Variants in AKAP7 observed in about 807,000 individuals in gnomAD.
AKAP7 encodes A kinase (PRKA) anchor protein 7.
Under a neutral mutation model 39.5 loss-of-function variants are expected in AKAP7, and 39 were observed. The ratio of observed to expected loss-of-function variants is 0.99; its 90% confidence interval spans 0.76 to 1.29. The LOEUF (loss-of-function observed/expected upper bound fraction) is 1.29. Ranked by LOEUF, AKAP7 falls within the 50% of genes most tolerant of loss-of-function variation. The probability of loss-of-function intolerance (pLI) is 0.00; values close to 1 mark genes in which losing one functional copy is unlikely to be tolerated. For synonymous variants in AKAP7, 140 were observed against 139.1 expected (o/e 1.01, Z -0.05); for missense variants, 414 against 407.7 (o/e 1.02, Z -0.13).
At chr6:131,234,260 T>C (rs1810853449) in intron 7 of AKAP7, among the ~76,000 whole-genome samples, 1 of 152,222 alleles carries the variant, frequency 6.6e-6, no homozygotes, top group Non-Finnish European at 1.5e-5. Context: ...ATGATGTGTA[T>C]TTAAGATCAA....
intron 5 of AKAP7, among the ~76,000 whole-genome samples, chr6:131,180,365 C>G (rs536896020): frequency 3.3e-4 from 50 of 152,250 alleles, no homozygotes; most frequent in African/African-American, 1.0e-3. Flanking sequence ...CCTCCTTTCC[C>G]CCAACTTTAC....
At chr6:131,194,019 G>T (rs1806672479) in intron 5 of AKAP7, among the ~76,000 whole-genome samples, 3 of 151,568 alleles carry the variant, frequency 2.0e-5, no homozygotes, top group African/African-American at 7.3e-5. Flanking sequence ...TGATTTTTTT[G>T]TATTTTGTTT....
At chr6:131,206,282 G>T (rs1257566336) in intron 6 of AKAP7, among the ~76,000 whole-genome samples, 1 of 152,150 alleles carries the variant, frequency 6.6e-6, no homozygotes, top group African/African-American at 2.4e-5. Flanking sequence ...ACAAAGACAT[G>T]TTTTATGAAC....
intron 7 of AKAP7, among the ~76,000 whole-genome samples, chr6:131,245,720 A>C (rs1811950374): frequency 6.6e-6 from 1 of 152,144 alleles, no homozygotes; most frequent in Non-Finnish European, 1.5e-5. Context: ...GTGGGCTACC[A>C]GCTGTGTAAT....
In AKAP7 at chr6:131,166,426, G is replaced by A. The variant is rs551712166; in HGVS notation, c.428+1209G>A. Among the ~76,000 whole-genome samples the A allele has an allele frequency of 1.5e-4, 23 of 152,326 alleles. No individual in the cohort carries two copies. In the South Asian group the frequency reaches 2.7e-3, roughly 18 times the overall value. ...ACAGCACCAATAGGAGCGTATCTAT[G>A]TAGATATCTATCTGTATCTGTCTGT... On this transcript the variant is annotated intron_variant, in intron 4 of 7. Coordinates refer to ENST00000431975, the MANE Select transcript of AKAP7 (RefSeq NM_016377.4).
At position 131,184,510 on chromosome 6, in the gene AKAP7, G is replaced by A. The variant is rs187231215; in HGVS notation, c.590-14951G>A. 187 of 688,862 alleles carry A rather than the reference G, an allele frequency of 2.7e-4. 1 individual carries two copies. The highest frequency in any genetic ancestry group is 2.0e-4 in the East Asian group (7 of 35,656). 42.7% of individuals were successfully genotyped at this position (688,862 alleles called of 1,614,324 possible). A position where few individuals can be genotyped will look rare whatever the true frequency, so the allele number is the denominator to read the frequency against. On this transcript the variant is annotated intron_variant, in intron 5 of 7. Transcript: ENST00000431975. ...CATCTTCAGAGGTGCCGCAGATATC[G>A]CAACATTTGTGCTCGATGCATTGCC...
intron 7 of AKAP7, among the ~76,000 whole-genome samples, chr6:131,241,637 A>ATATATATATATATGTG (rs1554217972): frequency 6.3e-5 from 5 of 78,804 alleles, no homozygotes; most frequent in Admixed American, 1.3e-4. Flanking sequence ...GTATATATAT[A>ATATATATATATATGTG]TGACAGTTAT....
At chr6:131,129,724 T>C in the AKAP7 span, among the ~76,000 whole-genome samples, 2 of 152,244 alleles carry the variant, frequency 1.3e-5, no homozygotes, top group Non-Finnish European at 2.9e-5. Context: ...CAAACATTAA[T>C]TGAAAAGCTT....
At chr6:131,220,822 G>A (rs552775324) in intron 7 of AKAP7, among the ~76,000 whole-genome samples, 1 of 152,186 alleles carries the variant, frequency 6.6e-6, no homozygotes, top group South Asian at 2.1e-4. Context: ...GATCTTTGAT[G>A]TTATTATCGT....
In AKAP7 at chr6:131,206,607, T is replaced by A. The variant is rs145368859; in HGVS notation, c.702+7034T>A. 1.6e-3 allele frequency among the ~76,000 whole-genome samples: 245 copies of A among 152,316 alleles called. 3 individuals are homozygous for A. The East Asian group carries it at 0.037, about 23-fold the overall frequency. On this transcript the variant is annotated intron_variant, in intron 6 of 7. Coordinates refer to ENST00000431975, the MANE Select transcript of AKAP7 (RefSeq NM_016377.4). ...GTTCCTGAATTGTTTGGTGATTGAA[T>A]ATACAGAACTAGAATTGTAATGGAA...
intron 4 of AKAP7, 131 bp from the exon 5 acceptor site, chr6:131,168,982 T>A: frequency 1.3e-6 from 1 of 764,770 alleles, no homozygotes; most frequent in Admixed American, 3.3e-5. Context: ...ATTTAGAAGG[T>A]ATTTTGAGCC....
At position 131,259,056 on chromosome 6, in the gene AKAP7, G is replaced by A. The variant is rs183580022; in HGVS notation, c.851-22474G>A. 2.0e-4 allele frequency among the ~76,000 whole-genome samples: 30 copies of A among 152,224 alleles called. No individual in the cohort carries two copies. In the East Asian group the frequency reaches 4.3e-3, roughly 22 times the overall value. ...ACGACCTGGCTCAGAGCCCCTCCCC[G>A]GCTTCTCTCCTGACTTCGAGGTCAG... On this transcript the variant is annotated intron_variant, in intron 7 of 7. Coordinates refer to ENST00000431975, the MANE Select transcript of AKAP7 (RefSeq NM_016377.4).
intron 7 of AKAP7, among the ~76,000 whole-genome samples, chr6:131,271,754 G>GA (rs1814303159): frequency 1.3e-5 from 2 of 152,116 alleles, no homozygotes; most frequent in African/African-American, 4.8e-5. Context: ...TGAGTCAAAT[G>GA]ACAGGGTAAC....
the AKAP7 span, among the ~76,000 whole-genome samples, chr6:131,129,147 T>C: frequency 1.3e-5 from 2 of 151,758 alleles, no homozygotes; most frequent in Non-Finnish European, 2.9e-5. Flanking sequence ...ATTAGCCAGG[T>C]GTGGTGTCAG....
chr6:131,278,859 G>A (rs1325627942), intron 7 of AKAP7, among the ~76,000 whole-genome samples: 1 of 152,166 alleles, frequency 6.6e-6, no homozygotes. Flanking sequence ...AGCTAATCAG[G>A]AAAGGTTTCA....
chr6:131,127,182 A>T, the AKAP7 span, among the ~76,000 whole-genome samples: 1 of 151,922 alleles, frequency 6.6e-6, no homozygotes, highest in Non-Finnish European at 1.5e-5. Flanking sequence ...AGTAGCTGGG[A>T]TTACAGGCAT....
chr6:131,193,333 C>T, intron 5 of AKAP7, among the ~76,000 whole-genome samples: 1 of 152,040 alleles, frequency 6.6e-6, no homozygotes, highest in Non-Finnish European at 1.5e-5. Flanking sequence ...TTGAAATGAT[C>T]ATATGGTTTT....
At chr6:131,136,341 G>A (rs1017470696) in intron 1 of AKAP7, among the ~76,000 whole-genome samples, 11 of 152,284 alleles carry the variant, frequency 7.2e-5, no homozygotes, top group African/African-American at 2.2e-4. Context: ...GAGCGAGTTA[G>A]GGGTGGACTT....
chr6:131,237,902 T>G (rs571507763), intron 7 of AKAP7, among the ~76,000 whole-genome samples: 1 of 152,308 alleles, frequency 6.6e-6, no homozygotes, highest in East Asian at 1.9e-4. Flanking sequence ...TGTCTCTATT[T>G]CCTTCAGTTC....
Sources: gnomAD v4.1 joint callset for allele counts (sites outside exome capture counted in the v4.1 genomes callset) on GRCh38, gnomAD v4.1.1 for gene constraint, MANE v1.5 for transcripts, NCBI Gene and HGNC (gene_info 2026-07-23, HGNC 2026-07-21) for gene names.